NEURL1: variants seen among roughly 807,000 people sequenced by gnomAD.
NEURL1 encodes neuralized E3 ubiquitin protein ligase 1, also known as E3 ubiquitin-protein ligase NEURL1.
Under a neutral mutation model 41.2 loss-of-function variants are expected in NEURL1, and 26 were observed. The observed-to-expected ratio is 0.63, with a 90% CI of 0.46 to 0.87. The LOEUF is 0.87. Ranked by LOEUF, NEURL1 falls within the 40% of genes least tolerant of loss-of-function variation. The pLI, the probability that NEURL1 is intolerant of heterozygous loss-of-function variation, is 0.00. For missense variants in NEURL1, 761 were observed against 871.1 expected, an observed-to-expected ratio of 0.87 and a Z score of 1.59; for synonymous variants, 400 against 402.3, an observed-to-expected ratio of 0.99 and a Z score of 0.07.
intron 1 of NEURL1, among the ~76,000 whole-genome samples, chr10:103,499,414 T>TTCCTTCCTTCTCTTCTTCCC (rs2133843015): frequency 6.8e-6 from 1 of 147,442 alleles, no homozygotes; most frequent in East Asian, 2.1e-4. Flanking sequence ...CCTCCCTTCC[T>TTCCTTCCTTCTCTTCTTCCC]TCCTTCCTTC....
At chr10:103,579,369 G>A (rs2035737703) in intron 3 of NEURL1, among the ~76,000 whole-genome samples, 1 of 152,208 alleles carries the variant, frequency 6.6e-6, no homozygotes, top group Non-Finnish European at 1.5e-5. Flanking sequence ...TCCTAAAGGG[G>A]TTATTTACTG....
intron 1 of NEURL1, among the ~76,000 whole-genome samples, chr10:103,516,223 A>C (rs1213280734): frequency 2.6e-5 from 3 of 114,426 alleles, no homozygotes; most frequent in Non-Finnish European, 3.7e-5. Context: ...GTGAGACCCC[A>C]TCTCAAAAAA....
At chr10:103,581,722 G>T (rs2035786732) in intron 3 of NEURL1, among the ~76,000 whole-genome samples, 1 of 152,176 alleles carries the variant, frequency 6.6e-6, no homozygotes, top group Non-Finnish European at 1.5e-5. Flanking sequence ...ACTATGCCTT[G>T]AGCTGGTTGG....
chr10:103,515,193 ACT>A (rs1239314772), intron 1 of NEURL1: 1 of 134,368 alleles, frequency 7.4e-6, no homozygotes, highest in Non-Finnish European at 1.5e-5. Context: ...ACGCCGCCGT[ACT>A]CCAGTCTGGG....
At chr10:103,507,237 G>A (rs895116400) in intron 1 of NEURL1, among the ~76,000 whole-genome samples, 3 of 152,206 alleles carry the variant, frequency 2.0e-5, no homozygotes, top group Non-Finnish European at 4.4e-5. Flanking sequence ...GGGGACAAGT[G>A]CTGGCCCTAA....
At chr10:103,584,200 C>A (rs981753342) in intron 3 of NEURL1, among the ~76,000 whole-genome samples, 2 of 152,044 alleles carry the variant, frequency 1.3e-5, no homozygotes, top group African/African-American at 4.8e-5. Context: ...GGAAGGAGCC[C>A]AGGAGTTAAA....
At chr10:103,530,323 C>G (rs976285674) in intron 1 of NEURL1, among the ~76,000 whole-genome samples, 2 of 151,744 alleles carry the variant, frequency 1.3e-5, no homozygotes, top group Non-Finnish European at 2.9e-5. Flanking sequence ...TTCCTATAAA[C>G]TTTCCTCATA....
At chr10:103,586,115 T>C (rs554373023) in intron 4 of NEURL1, among the ~76,000 whole-genome samples, 44 of 151,792 alleles carry the variant, frequency 2.9e-4, no homozygotes, top group Non-Finnish European at 5.9e-4. Context: ...GGGATGTGCA[T>C]TGAGTTAAGA....
intron 1 of NEURL1, among the ~76,000 whole-genome samples, chr10:103,539,237 C>T (rs1329204217): frequency 3.9e-5 from 6 of 152,196 alleles, no homozygotes; most frequent in African/African-American, 1.4e-4. Context: ...TGAGCCACTG[C>T]ACCCAGCCAA....
At chr10:103,501,963 C>T (rs1402291502) in intron 1 of NEURL1, among the ~76,000 whole-genome samples, 1 of 151,870 alleles carries the variant, frequency 6.6e-6, no homozygotes, top group Admixed American at 6.6e-5. Context: ...GACAGAGTCT[C>T]TGTATGTTAC....
intron 3 of NEURL1, among the ~76,000 whole-genome samples, chr10:103,575,812 C>T (rs1680471444): frequency 6.6e-6 from 1 of 152,246 alleles, no homozygotes; most frequent in Admixed American, 6.5e-5. Flanking sequence ...CTTCCTTCCT[C>T]CAGGGAGAAG....
At position 103,508,259 on chromosome 10, in the gene NEURL1, A is replaced by G. The variant is rs1295978550; in HGVS notation, c.85+13787A>G. ...CCTCCCATGACAGAATTCACAGCAC[A>G]CTTTACAGAGGAGACACTGAGTCCG... On this transcript the variant is annotated intron_variant, in intron 1 of 5. Transcript: ENST00000369780. This position sits in a 1 kb window ranked among gnomAD's most constrained non-coding sequence, Gnocchi z 4.3. 6.6e-6 allele frequency among the ~76,000 whole-genome samples: 1 copy of G among 152,142 alleles called. No homozygotes were observed. Among genetic ancestry groups the G allele is most frequent in the Non-Finnish European group, 1.5e-5 (1 of 68,012 alleles).
intron 1 of NEURL1, among the ~76,000 whole-genome samples, chr10:103,533,779 G>T (rs566704458): frequency 2.0e-5 from 3 of 151,842 alleles, no homozygotes. Context: ...CTTCTGATCC[G>T]CCCGCCTTGG....
chr10:103,521,822 C>T (rs367567003), intron 1 of NEURL1, among the ~76,000 whole-genome samples: 65 of 152,226 alleles, frequency 4.3e-4, no homozygotes, highest in Middle Eastern at 3.4e-3. Flanking sequence ...GCCCGGGTTT[C>T]GGCACCAAAT....
At chr10:103,520,230 G>T (rs925827284) in intron 1 of NEURL1, among the ~76,000 whole-genome samples, 1 of 152,216 alleles carries the variant, frequency 6.6e-6, no homozygotes, top group Non-Finnish European at 1.5e-5. Context: ...CGTGTGAAGA[G>T]ACCACCAAAC....
chr10:103,536,863 G>A (rs1420412598), intron 1 of NEURL1, among the ~76,000 whole-genome samples: 3 of 152,120 alleles, frequency 2.0e-5, no homozygotes, highest in Non-Finnish European at 4.4e-5. Context: ...TCCATCTCCA[G>A]AACTTTGTTC....
At chr10:103,582,409 G>A (rs917452681) in intron 3 of NEURL1, among the ~76,000 whole-genome samples, 5 of 152,202 alleles carry the variant, frequency 3.3e-5, no homozygotes, top group African/African-American at 9.6e-5. Flanking sequence ...CACCATCACT[G>A]TCACAGAGTC....
At chr10:103,548,179 G>C (rs2034961085) in intron 1 of NEURL1, among the ~76,000 whole-genome samples, 1 of 152,204 alleles carries the variant, frequency 6.6e-6, no homozygotes, top group Non-Finnish European at 1.5e-5. Context: ...CTGCTACCCA[G>C]TGCTCTGAAA....
At chr10:103,564,282 C>T (rs1339841127) in intron 1 of NEURL1, among the ~76,000 whole-genome samples, 5 of 152,182 alleles carry the variant, frequency 3.3e-5, no homozygotes, top group Admixed American at 6.5e-5. Flanking sequence ...GCAGCAGCCT[C>T]GCCTGAGGAG....
Sources: allele counts gnomAD v4.1 joint callset (sites outside exome capture counted in the v4.1 genomes callset), GRCh38; gene constraint gnomAD v4.1.1; non-coding constraint Gnocchi (gnomAD v3.1); transcripts MANE v1.5; gene names NCBI Gene and HGNC (gene_info 2026-07-23, HGNC 2026-07-21).